Variants in NAV2 observed in about 807,000 individuals in gnomAD.
NAV2 encodes helicase, APC down-regulated 1.
In NAV2, 54 loss-of-function variants were observed where a neutral mutation model predicts 223.2. The ratio of observed to expected loss-of-function variants is 0.24; its 90% CI spans 0.19 to 0.30. The LOEUF is 0.30. NAV2 is among the 10% of genes least tolerant of loss of function. The probability of loss-of-function intolerance (pLI) is 1.00; values close to 1 mark genes in which losing one functional copy is unlikely to be tolerated. For synonymous variants in NAV2, 1,279 were observed against 1,239.3 expected, an observed-to-expected ratio of 1.03 and a Z score of -0.67; for missense variants, 2,806 against 3,147.5, an observed-to-expected ratio of 0.89 and a Z score of 2.60.
chr11:19,838,133 T>C (rs1263335144), intron 2 of NAV2, among the ~76,000 whole-genome samples: 2 of 152,162 alleles, frequency 1.3e-5, no homozygotes, highest in Admixed American at 1.3e-4. Flanking sequence ...TGAAGTTGTA[T>C]CAAAATGAAA....
At chr11:19,375,372 A>G (rs1848607137) in intron 1 of NAV2, among the ~76,000 whole-genome samples, 1 of 152,150 alleles carries the variant, frequency 6.6e-6, no homozygotes, top group South Asian at 2.1e-4. Context: ...GAAACAAGAG[A>G]CCAGTCAGTG....
chr11:19,724,982 A>G (rs1286353260), intron 1 of NAV2, among the ~76,000 whole-genome samples: 8 of 152,200 alleles, frequency 5.3e-5, no homozygotes, highest in Non-Finnish European at 7.3e-5. Flanking sequence ...TCAAGCCTCA[A>G]TTTCCCTGGG....
At chr11:19,492,949 C>T (rs1368248682) in intron 1 of NAV2, among the ~76,000 whole-genome samples, 1 of 152,186 alleles carries the variant, frequency 6.6e-6, no homozygotes, top group African/African-American at 2.4e-5. Flanking sequence ...TTCTAAGTCT[C>T]ACCTCAGCTC....
intron 1 of NAV2, among the ~76,000 whole-genome samples, chr11:19,436,827 T>C (rs2133653387): frequency 6.6e-6 from 1 of 152,268 alleles, no homozygotes; most frequent in South Asian, 2.1e-4. Flanking sequence ...TAAATCTTAT[T>C]TTCTTTGATG....
chr11:19,386,796 A>G (rs1849060364), intron 1 of NAV2, among the ~76,000 whole-genome samples: 1 of 152,182 alleles, frequency 6.6e-6, no homozygotes, highest in Non-Finnish European at 1.5e-5. Context: ...GGGTAAAACA[A>G]GTGGGAGCAC....
intron 11 of NAV2, among the ~76,000 whole-genome samples, chr11:20,007,957 G>T (rs950713957): frequency 6.6e-6 from 1 of 152,210 alleles, no homozygotes; most frequent in Non-Finnish European, 1.5e-5. Context: ...AGAAGAGAAC[G>T]TTATCATACT....
At chr11:19,917,280 C>T (rs1049724162) in intron 6 of NAV2, among the ~76,000 whole-genome samples, 2 of 152,178 alleles carry the variant, frequency 1.3e-5, no homozygotes, top group African/African-American at 4.8e-5. Flanking sequence ...TTGCTGGTTT[C>T]CAAGAGATAC....
chr11:20,056,308 G>A (rs535454727), intron 19 of NAV2, among the ~76,000 whole-genome samples: 3 of 152,320 alleles, frequency 2.0e-5, no homozygotes, highest in South Asian at 4.1e-4. Context: ...CACCATCTTG[G>A]CAGAGAGAAC....
intron 1 of NAV2, among the ~76,000 whole-genome samples, chr11:19,567,397 G>A (rs552549704): frequency 6.6e-6 from 1 of 152,330 alleles, no homozygotes; most frequent in Admixed American, 6.5e-5. Context: ...TTGGACCAAT[G>A]TATATGGTTC....
intron 1 of NAV2, among the ~76,000 whole-genome samples, chr11:19,386,897 G>A (rs1257547462): frequency 6.6e-6 from 1 of 152,092 alleles, no homozygotes; most frequent in Non-Finnish European, 1.5e-5. Flanking sequence ...CCCACTCAAT[G>A]GAAGGACAGT....
intron 24 of NAV2, among the ~76,000 whole-genome samples, chr11:20,079,017 A>G (rs2059930192): frequency 6.6e-6 from 1 of 152,160 alleles, no homozygotes; most frequent in Admixed American, 6.5e-5. Flanking sequence ...TGATGAGGAC[A>G]CTAGTGTTCA....
At chr11:19,690,250 C>T (rs550246994) in intron 1 of NAV2, among the ~76,000 whole-genome samples, 1 of 152,352 alleles carries the variant, frequency 6.6e-6, no homozygotes, top group South Asian at 2.1e-4. Context: ...GTGTGAGTCA[C>T]TGCGCCCAGC....
At chr11:19,754,724 A>G (rs1183765066) in intron 1 of NAV2, among the ~76,000 whole-genome samples, 1 of 152,230 alleles carries the variant, frequency 6.6e-6, no homozygotes, top group Admixed American at 6.5e-5. Flanking sequence ...CCATGATTAT[A>G]AAAATATTGG....
At chr11:20,091,650 A>G (rs1241327234) in intron 27 of NAV2, among the ~76,000 whole-genome samples, 3 of 152,170 alleles carry the variant, frequency 2.0e-5, no homozygotes, top group South Asian at 2.1e-4. Context: ...TGCCTTGCAC[A>G]TTGTAGGTTC....
At chr11:19,919,120 G>A (rs1266050797) in intron 6 of NAV2, among the ~76,000 whole-genome samples, 1 of 152,096 alleles carries the variant, frequency 6.6e-6, no homozygotes, top group Non-Finnish European at 1.5e-5. Flanking sequence ...GAAGAGAAAT[G>A]TGGCCAAATA....
chr11:19,830,054 A>G (rs535232633), intron 1 of NAV2, among the ~76,000 whole-genome samples: 270 of 152,184 alleles, frequency 1.8e-3, no homozygotes, highest in African/African-American at 6.2e-3. Context: ...GTGAAGCCTC[A>G]TCTCTACTAA....
At chr11:19,640,211 T>C (rs1173062936) in intron 1 of NAV2, among the ~76,000 whole-genome samples, 1 of 152,160 alleles carries the variant, frequency 6.6e-6, no homozygotes, top group African/African-American at 2.4e-5. Flanking sequence ...CAAGCAGAGC[T>C]ATTAATAATA....
intron 1 of NAV2, among the ~76,000 whole-genome samples, chr11:19,447,570 C>A (rs1851630737): frequency 6.6e-6 from 1 of 152,190 alleles, no homozygotes; most frequent in African/African-American, 2.4e-5. Context: ...GCCCTTAGCT[C>A]ACGGTCTAGC....
intron 1 of NAV2, among the ~76,000 whole-genome samples, chr11:19,531,312 T>G (rs758524689): frequency 6.6e-6 from 1 of 152,120 alleles, no homozygotes; most frequent in Non-Finnish European, 1.5e-5. Context: ...AGGGAGTGAT[T>G]TGGGCAGGGA....
Sources: gnomAD v4.1 joint callset for allele counts (sites outside exome capture counted in the v4.1 genomes callset) on GRCh38, gnomAD v4.1.1 for gene constraint, MANE v1.5 for transcripts, NCBI Gene and HGNC (gene_info 2026-07-23, HGNC 2026-07-21) for gene names.